Variants in LINGO2 observed in about 807,000 individuals in gnomAD.
LINGO2 encodes leucine rich repeat and Ig domain containing 2.
A neutral mutation model predicts 30.6 loss-of-function variants in LINGO2; 14 were observed. The observed-to-expected ratio is 0.46, with a 90% confidence interval of 0.30 to 0.72. The LOEUF is 0.72. Ranked by LOEUF, LINGO2 falls within the 30% of genes least tolerant of loss-of-function variation. The probability of loss-of-function intolerance (pLI) is 0.07; values close to 1 mark genes in which losing one functional copy is unlikely to be tolerated. For synonymous variants in LINGO2, 317 were observed against 288.5 expected (o/e 1.10, Z -1.00); for missense variants, 729 against 751.7 (o/e 0.97, Z 0.35).
At chr9:28,772,413 G>A in the LINGO2 span, among the ~76,000 whole-genome samples, 1 of 152,126 alleles carries the variant, frequency 6.6e-6, no homozygotes, top group Non-Finnish European at 1.5e-5. Flanking sequence ...AGGAAATTCT[G>A]CAGCTATCCA....
chr9:28,783,608 G>T, the LINGO2 span, among the ~76,000 whole-genome samples: 5 of 151,030 alleles, frequency 3.3e-5, no homozygotes, highest in African/African-American at 1.2e-4. Flanking sequence ...TTTCTAGAGG[G>T]GAGGGGTTAG....
At chr9:28,036,649 G>C (rs768890950) in intron 4 of LINGO2, among the ~76,000 whole-genome samples, 6 of 152,190 alleles carry the variant, frequency 3.9e-5, no homozygotes, top group Non-Finnish European at 8.8e-5. Flanking sequence ...CCCAAAGATT[G>C]GTGCAACCTA....
chr9:27,937,928 A>G, the LINGO2 span: 3 of 152,176 alleles, frequency 2.0e-5, no homozygotes, highest in Non-Finnish European at 4.4e-5. Flanking sequence ...TTCTCTTCCA[A>G]TAAAGGAGAA....
chr9:28,012,991 G>T (rs954231247), intron 4 of LINGO2, among the ~76,000 whole-genome samples: 6 of 152,150 alleles, frequency 3.9e-5, no homozygotes, highest in African/African-American at 1.2e-4. Flanking sequence ...TGCTGCGTGA[G>T]ATTTTGTTTT....
chr9:28,519,692 A>G (rs1639869402), intron 1 of LINGO2, among the ~76,000 whole-genome samples: 1 of 152,208 alleles, frequency 6.6e-6, no homozygotes, highest in Admixed American at 6.5e-5. Context: ...ACATCTACAG[A>G]TCTTCATCAA....
chr9:28,376,248 T>TAGGAGAAG, intron 2 of LINGO2, among the ~76,000 whole-genome samples: 1 of 149,516 alleles, frequency 6.7e-6, no homozygotes. Context: ...TTAGAATGGG[T>TAGGAGAAG]AGGAGAAGAG....
the LINGO2 span, among the ~76,000 whole-genome samples, chr9:28,942,735 G>A: frequency 6.6e-6 from 1 of 152,028 alleles, no homozygotes; most frequent in African/African-American, 2.4e-5. Context: ...TTTTTGGGAG[G>A]GTTTCTGTTT....
At chr9:28,850,336 G>T in the LINGO2 span, among the ~76,000 whole-genome samples, 1 of 151,886 alleles carries the variant, frequency 6.6e-6, no homozygotes, top group African/African-American at 2.4e-5. Flanking sequence ...GAGAGATATA[G>T]CTGAGTCGAG....
chr9:28,043,147 A>T (rs1036651854), intron 4 of LINGO2, among the ~76,000 whole-genome samples: 1 of 152,186 alleles, frequency 6.6e-6, no homozygotes, highest in Admixed American at 6.5e-5. Flanking sequence ...CAGGTAGAAG[A>T]TGTCAGTGTG....
At chr9:28,747,642 G>C in the LINGO2 span, among the ~76,000 whole-genome samples, 1 of 152,054 alleles carries the variant, frequency 6.6e-6, no homozygotes, top group Non-Finnish European at 1.5e-5. Flanking sequence ...CTCCCATAAG[G>C]GGTTTGAGCA....
intron 1 of LINGO2, among the ~76,000 whole-genome samples, chr9:28,516,554 A>T (rs1426909643): frequency 6.6e-6 from 1 of 152,190 alleles, no homozygotes; most frequent in African/African-American, 2.4e-5. Context: ...TGGAAAAATT[A>T]AATTCTGCAA....
downstream of LINGO2, among the ~76,000 whole-genome samples, chr9:27,946,369 T>C (rs1409345994): frequency 6.6e-6 from 1 of 152,088 alleles, no homozygotes; most frequent in Non-Finnish European, 1.5e-5. Context: ...GCTGAGAAAA[T>C]CCATTCTCTT....
At chr9:28,937,216 C>G in the LINGO2 span, among the ~76,000 whole-genome samples, 2 of 151,938 alleles carry the variant, frequency 1.3e-5, no homozygotes, top group Admixed American at 6.6e-5. Flanking sequence ...GTCTTAAAAG[C>G]CTTAACCCAT....
the LINGO2 span, among the ~76,000 whole-genome samples, chr9:29,203,010 T>G: frequency 6.6e-6 from 1 of 152,230 alleles, no homozygotes; most frequent in Middle Eastern, 3.4e-3. Context: ...GACAAAATAA[T>G]AGACTAAATT....
At chr9:28,316,363 T>A (rs1213196756) in intron 3 of LINGO2, among the ~76,000 whole-genome samples, 1 of 152,118 alleles carries the variant, frequency 6.6e-6, no homozygotes, top group Non-Finnish European at 1.5e-5. Context: ...ATGTTTTATG[T>A]AAAAATTGAA....
chr9:28,392,077 C>T (rs879371505), intron 2 of LINGO2, among the ~76,000 whole-genome samples: 3 of 152,120 alleles, frequency 2.0e-5, no homozygotes, highest in South Asian at 2.1e-4. Context: ...ATGGCACGTG[C>T]CTGTAGTCCC....
chr9:28,076,473 G>C (rs2133197730), intron 4 of LINGO2, among the ~76,000 whole-genome samples: 1 of 142,400 alleles, frequency 7.0e-6, no homozygotes, highest in Admixed American at 7.1e-5. Flanking sequence ...TTTACCTCAA[G>C]CTTTTTTTTT....
At chr9:28,407,191 G>T (rs914252117) in intron 2 of LINGO2, among the ~76,000 whole-genome samples, 2 of 149,768 alleles carry the variant, frequency 1.3e-5, no homozygotes, top group African/African-American at 4.9e-5. Flanking sequence ...AGAAAGGGAA[G>T]AAAAGAAAGA....
chr9:28,556,326 T>C (rs559200844), intron 1 of LINGO2, among the ~76,000 whole-genome samples: 1 of 151,490 alleles, frequency 6.6e-6, no homozygotes, highest in Non-Finnish European at 1.5e-5. Flanking sequence ...ATGTACAAAA[T>C]TCACAAGCAT....
Sources: gnomAD v4.1 joint callset for allele counts (sites outside exome capture counted in the v4.1 genomes callset) on GRCh38, gnomAD v4.1.1 for gene constraint, MANE v1.5 for transcripts, NCBI Gene and HGNC (gene_info 2026-07-23, HGNC 2026-07-21) for gene names.